The following ENAH variants were observed in gnomAD, a reference collection of about 807,000 sequenced individuals.
ENAH encodes the protein ENAH actin regulator, also known as protein enabled homolog.
A neutral mutation model predicts 78.7 loss-of-function variants in ENAH; 23 were observed. That is an observed-to-expected ratio of 0.29 (90% CI 0.21 to 0.41). The LOEUF (loss-of-function observed/expected upper bound fraction) is 0.41. Among genes scored for constraint, ENAH ranks in the 10% least tolerant of loss-of-function variants. The pLI, the probability that ENAH is intolerant of heterozygous loss-of-function variation, is 1.00. For missense variants in ENAH, 544 were observed against 691.0 expected, an observed-to-expected ratio of 0.79 and a Z score of 2.39; for synonymous variants, 226 against 241.0, an observed-to-expected ratio of 0.94 and a Z score of 0.58.
chr1:225,614,847 C>T (rs2097015438), intron 1 of ENAH, among the ~76,000 whole-genome samples: 1 of 152,220 alleles, frequency 6.6e-6, no homozygotes, highest in Non-Finnish European at 1.5e-5. Flanking sequence ...TACCTATTTT[C>T]ACTCAGAAAC....
intron 1 of ENAH, among the ~76,000 whole-genome samples, chr1:225,574,993 A>C (rs1226991322): frequency 6.6e-6 from 1 of 152,172 alleles, no homozygotes; most frequent in East Asian, 1.9e-4. Context: ...CAAATAGGAA[A>C]GTGAACAATA....
At chr1:225,595,700 C>T (rs1270321259) in intron 1 of ENAH, among the ~76,000 whole-genome samples, 4 of 152,150 alleles carry the variant, frequency 2.6e-5, no homozygotes, top group Admixed American at 6.5e-5. Flanking sequence ...CATCTCCAAG[C>T]AACAGCTGTG....
At chr1:225,606,842 CAAAAAAAAAA>C (rs59168194) in intron 1 of ENAH, among the ~76,000 whole-genome samples, 17 of 49,046 alleles carry the variant, frequency 3.5e-4, no homozygotes, top group East Asian at 3.4e-3. Flanking sequence ...GACTCTGTCT[CAAAAAAAAAA>C]AAAAAAAAAA....
intron 1 of ENAH, among the ~76,000 whole-genome samples, chr1:225,620,403 G>A (rs977620923): frequency 2.8e-4 from 42 of 151,778 alleles, no homozygotes; most frequent in African/African-American, 1.0e-3. Context: ...CCACATGCCT[G>A]TAGTCCCAGC....
In ENAH at chr1:225,554,902, T is replaced by C. The variant is rs756256490; in HGVS notation, c.349+4A>G. On this transcript the variant is annotated splice_donor_region_variant and intron_variant, in intron 3 of 13. Coordinates refer to ENST00000366843, the MANE Select transcript of ENAH (RefSeq NM_018212.6). ...AAAATACAAATAAACCATGGGCACC[T>C]TACCTGTTTCCTGTGAATTTAACAC... 1.3e-6 allele frequency: 2 copies of C among 1,521,846 alleles called. No homozygotes were observed. The highest frequency in any genetic ancestry group is 1.3e-5 in the South Asian group (1 of 78,500). The allele number at this position is 1,521,846 out of a possible 1,614,324, so 94.3% of individuals were successfully genotyped here.
At chr1:225,570,728 C>A (rs999662369) in intron 1 of ENAH, among the ~76,000 whole-genome samples, 1 of 151,720 alleles carries the variant, frequency 6.6e-6, no homozygotes, top group Non-Finnish European at 1.5e-5. Context: ...GAGGCCGAGG[C>A]GGGCAGATCA....
intron 3 of ENAH, among the ~76,000 whole-genome samples, chr1:225,534,172 T>C (rs1232681322): frequency 2.0e-5 from 3 of 151,982 alleles, no homozygotes; most frequent in Non-Finnish European, 4.4e-5. Flanking sequence ...ATATCAATAA[T>C]CACTCATGAC....
intron 3 of ENAH, among the ~76,000 whole-genome samples, chr1:225,542,070 C>G (rs961270361): frequency 3.9e-5 from 6 of 152,132 alleles, no homozygotes; most frequent in Non-Finnish European, 8.8e-5. Context: ...TTGGAAGAGA[C>G]AAGGCCTCAC....
chr1:225,638,026 A>G (rs887970437), intron 1 of ENAH, among the ~76,000 whole-genome samples: 6 of 152,244 alleles, frequency 3.9e-5, no homozygotes, highest in African/African-American at 1.4e-4. Context: ...AACAATAAAC[A>G]GAATATGCCC....
rs2150998575 is a variant in ENAH at position 225,492,570 on chromosome 1, G to A, written c.*5205C>T. 2.0e-5 allele frequency: 3 copies of A among 152,228 alleles called. No individual in the cohort carries two copies. Among genetic ancestry groups the A allele is most frequent in the Middle Eastern group, 6.8e-3 (2 of 294 alleles). The allele number at this position is 152,228 out of a possible 1,614,324, so 9.4% of individuals were successfully genotyped here. A position where few individuals can be genotyped will look rare whatever the true frequency, so the allele number is the denominator to read the frequency against. On this transcript the variant is annotated 3_prime_UTR_variant, in exon 14 of 14. Coordinates refer to ENST00000366843, the MANE Select transcript of ENAH (RefSeq NM_018212.6). Reference sequence around the variant, plus strand: ...TATTTAACATGCTTCACAGAACGGGGGTGCAGCTCAGTGACTGTGATTCTT... The same window carrying A: ...TATTTAACATGCTTCACAGAACGGGAGTGCAGCTCAGTGACTGTGATTCTT...
intron 1 of ENAH, among the ~76,000 whole-genome samples, chr1:225,578,559 C>T (rs1248856282): frequency 6.6e-6 from 1 of 152,178 alleles, no homozygotes; most frequent in African/African-American, 2.4e-5. Flanking sequence ...GTGTGTGCAA[C>T]TCTAGCTGGC....
At chr1:225,571,460 C>G (rs893316507) in intron 1 of ENAH, among the ~76,000 whole-genome samples, 3 of 152,124 alleles carry the variant, frequency 2.0e-5, no homozygotes, top group African/African-American at 7.2e-5. Context: ...CTCTACTCAC[C>G]TTTTATAACT....
chr1:225,615,037 G>GA (rs1558911019), intron 1 of ENAH, among the ~76,000 whole-genome samples: 1 of 127,684 alleles, frequency 7.8e-6, no homozygotes, highest in African/African-American at 3.4e-5. Context: ...CCCTCTCCCC[G>GA]GTCTCCCTCT....
At chr1:225,627,855 G>C (rs1658239428) in intron 1 of ENAH, among the ~76,000 whole-genome samples, 1 of 152,114 alleles carries the variant, frequency 6.6e-6, no homozygotes, top group Non-Finnish European at 1.5e-5. Context: ...ACCTACCCCA[G>C]CTCTCAAGGG....
intron 3 of ENAH, among the ~76,000 whole-genome samples, chr1:225,546,152 T>G (rs1304444909): frequency 6.6e-6 from 1 of 152,038 alleles, no homozygotes; most frequent in Non-Finnish European, 1.5e-5. Flanking sequence ...GGTCTGAAAC[T>G]CCTGACCTCA....
At chr1:225,535,192 G>A (rs992227551) in intron 3 of ENAH, among the ~76,000 whole-genome samples, 2 of 151,938 alleles carry the variant, frequency 1.3e-5, no homozygotes, top group African/African-American at 2.4e-5. Flanking sequence ...TCAAAAATTT[G>A]CTCCCAAACA....
chr1:225,508,938 G>A (rs193035025), intron 10 of ENAH, among the ~76,000 whole-genome samples: 88 of 152,228 alleles, frequency 5.8e-4, no homozygotes, highest in African/African-American at 1.9e-3. Context: ...TACACTTAAC[G>A]CAAAAATAAA....
At chr1:225,534,200 C>T (rs190135731) in intron 3 of ENAH, among the ~76,000 whole-genome samples, 5 of 151,978 alleles carry the variant, frequency 3.3e-5, no homozygotes, top group East Asian at 1.9e-4. Flanking sequence ...AAAGATAGCC[C>T]GGAAAAACCC....
chr1:225,614,916 C>T (rs1415817193), intron 1 of ENAH, among the ~76,000 whole-genome samples: 1 of 152,182 alleles, frequency 6.6e-6, no homozygotes, highest in Non-Finnish European at 1.5e-5. Flanking sequence ...CCAATCCTAC[C>T]TCTATTCCAC....
Sources: gnomAD v4.1 joint callset for allele counts (sites outside exome capture counted in the v4.1 genomes callset) on GRCh38, gnomAD v4.1.1 for gene constraint, MANE v1.5 for transcripts, NCBI Gene and HGNC (gene_info 2026-07-23, HGNC 2026-07-21) for gene names.